WWOX: variants seen among roughly 807,000 people sequenced by gnomAD.
WWOX encodes WW domain containing oxidoreductase.
WWOX carries 69 observed loss-of-function variants against 46.2 expected under a neutral mutation model. The ratio of observed to expected loss-of-function variants is 1.49; its 90% CI spans 1.23 to 1.82. The LOEUF is 1.82. Among genes scored for constraint, WWOX ranks in the 40% most tolerant of loss-of-function variants. The pLI is 0.00. For synonymous variants in WWOX, 359 were observed against 202.6 expected, an observed-to-expected ratio of 1.77 and a Z score of -6.56; for missense variants, 919 against 542.6, an observed-to-expected ratio of 1.69 and a Z score of -6.89.
intron 8 of WWOX, among the ~76,000 whole-genome samples, chr16:78,812,794 C>T (rs968783817): frequency 6.6e-6 from 1 of 152,060 alleles, no homozygotes; most frequent in Non-Finnish European, 1.5e-5. Flanking sequence ...ATTTACAAGC[C>T]CCATAAACTA....
chr16:79,204,911 A>T (rs2051458225), intron 8 of WWOX: 1 of 152,220 alleles, frequency 6.6e-6, no homozygotes, highest in African/African-American at 2.4e-5. Context: ...CTGGCTTTCC[A>T]ATTCATTCTC....
chr16:78,251,217 T>A (rs1026368401), intron 5 of WWOX, among the ~76,000 whole-genome samples: 1 of 152,184 alleles, frequency 6.6e-6, no homozygotes, highest in Non-Finnish European at 1.5e-5. Flanking sequence ...GGAGGAAGCC[T>A]ACTTTTGTTT....
chr16:78,302,037 T>G (rs931229641), intron 5 of WWOX, among the ~76,000 whole-genome samples: 28 of 152,012 alleles, frequency 1.8e-4, no homozygotes, highest in African/African-American at 6.3e-4. Context: ...CTCAGCTGAT[T>G]GTAACCTCCA....
intron 8 of WWOX, among the ~76,000 whole-genome samples, chr16:79,188,141 C>T (rs1228602385): frequency 6.6e-6 from 1 of 152,100 alleles, no homozygotes; most frequent in Non-Finnish European, 1.5e-5. Flanking sequence ...GAATGTGCCA[C>T]AGAAGAAAAC....
intron 8 of WWOX, among the ~76,000 whole-genome samples, chr16:79,076,820 C>G (rs1394942558): frequency 6.6e-6 from 1 of 152,228 alleles, no homozygotes; most frequent in Non-Finnish European, 1.5e-5. Flanking sequence ...GAAGATGAAA[C>G]TGCTTAACGC....
intron 5 of WWOX, among the ~76,000 whole-genome samples, chr16:78,238,876 C>A (rs2037531401): frequency 7.1e-6 from 1 of 140,016 alleles, no homozygotes; most frequent in African/African-American, 2.5e-5. Context: ...ACCTTGGCCT[C>A]CCAAAGTGCT....
At chr16:78,656,196 G>T (rs2142157764) in intron 8 of WWOX, among the ~76,000 whole-genome samples, 1 of 152,222 alleles carries the variant, frequency 6.6e-6, no homozygotes, top group Non-Finnish European at 1.5e-5. Context: ...GTGGGTGTGT[G>T]TGAAAGGTAG....
chr16:78,896,930 A>G (rs1442510229), intron 8 of WWOX: 2 of 152,070 alleles, frequency 1.3e-5, no homozygotes, highest in African/African-American at 4.8e-5. Context: ...CCCAGTTAAG[A>G]TATAGAACAT....
intron 8 of WWOX, among the ~76,000 whole-genome samples, chr16:78,601,737 G>A (rs1423986359): frequency 3.3e-5 from 5 of 152,176 alleles, no homozygotes; most frequent in South Asian, 2.1e-4. Context: ...AAGGAACAAA[G>A]GATTAAGTTA....
At chr16:78,725,271 A>T (rs1161326175) in intron 8 of WWOX, among the ~76,000 whole-genome samples, 1 of 151,144 alleles carries the variant, frequency 6.6e-6, no homozygotes, top group Non-Finnish European at 1.5e-5. Context: ...GAGTCCATTC[A>T]ACTTCTTTTT....
intron 8 of WWOX, among the ~76,000 whole-genome samples, chr16:78,781,126 G>A (rs1430739243): frequency 6.6e-6 from 1 of 152,182 alleles, no homozygotes; most frequent in Non-Finnish European, 1.5e-5. Context: ...GTTTCTGACA[G>A]GTAAATCAAG....
intron 8 of WWOX, among the ~76,000 whole-genome samples, chr16:79,019,607 A>G (rs1249726309): frequency 6.6e-6 from 1 of 152,020 alleles, no homozygotes; most frequent in Non-Finnish European, 1.5e-5. Context: ...GCAAGCTGGT[A>G]TCCTGCGTAT....
intron 8 of WWOX, among the ~76,000 whole-genome samples, chr16:78,732,296 A>G (rs1230389445): frequency 1.3e-5 from 2 of 152,116 alleles, no homozygotes; most frequent in African/African-American, 4.8e-5. Context: ...CACTCATGGG[A>G]TGCTTACCCT....
chr16:79,025,199 A>G lies in WWOX; in HGVS notation c.1057-186409A>G, dbSNP rs113212562. ...GTGTCGGACTTGTTTCAGAAAGACA[A>G]TGTCACTGAGGCTGGGGCAGGGAGA... is the stretch of plus-strand genomic sequence containing the variant. On this transcript the variant is annotated intron_variant, in intron 8 of 8. Coordinates refer to ENST00000566780, the MANE Select transcript of WWOX (RefSeq NM_016373.4). Among the ~76,000 whole-genome samples, 68 of 152,282 alleles carry G rather than the reference A, an allele frequency of 4.5e-4. 1 individual carries two copies. Among genetic ancestry groups the G allele is most frequent in the South Asian group, 3.7e-3 (18 of 4,816 alleles).
At chr16:79,036,940 G>A (rs1250967601) in intron 8 of WWOX, among the ~76,000 whole-genome samples, 2 of 152,212 alleles carry the variant, frequency 1.3e-5, no homozygotes, top group East Asian at 1.9e-4. Context: ...ATTTCTCAGT[G>A]TGTTATCTTG....
intron 8 of WWOX, among the ~76,000 whole-genome samples, chr16:79,174,515 G>A (rs1337997656): frequency 6.6e-6 from 1 of 152,206 alleles, no homozygotes; most frequent in Non-Finnish European, 1.5e-5. Context: ...CAGGCGTGGT[G>A]GCGCATGCCT....
intron 5 of WWOX, among the ~76,000 whole-genome samples, chr16:78,301,873 C>T (rs1337550076): frequency 6.6e-6 from 1 of 152,026 alleles, no homozygotes; most frequent in Non-Finnish European, 1.5e-5. Context: ...AGGAATTTAA[C>T]ATATCTTAGA....
chr16:78,203,932 T>C (rs1343707180), intron 5 of WWOX, among the ~76,000 whole-genome samples: 2 of 152,188 alleles, frequency 1.3e-5, no homozygotes, highest in African/African-American at 4.8e-5. Context: ...TGTGGAAGCT[T>C]GCTGCCTTGA....
rs553870704 is a variant in WWOX at position 78,424,686 on chromosome 16, G to C, written c.606-184G>C. Among the ~76,000 whole-genome samples the C allele has an allele frequency of 1.5e-3, 233 of 152,220 alleles. 1 individual carries two copies. Among genetic ancestry groups the C allele is most frequent in the African/African-American group, 5.1e-3 (211 of 41,528 alleles). On this transcript the variant is annotated intron_variant, in intron 6 of 8. Coordinates refer to ENST00000566780, the MANE Select transcript of WWOX (RefSeq NM_016373.4). Reference sequence around the variant, plus strand: ...CCACTCAAAGCCTTGTGACATTCTAGGGTATCCTATTTCTACATGGTGGGA... The same window carrying C: ...CCACTCAAAGCCTTGTGACATTCTACGGTATCCTATTTCTACATGGTGGGA...
Sources: gnomAD v4.1 joint callset for allele counts (sites outside exome capture counted in the v4.1 genomes callset) on GRCh38, gnomAD v4.1.1 for gene constraint, MANE v1.5 for transcripts, NCBI Gene and HGNC (gene_info 2026-07-23, HGNC 2026-07-21) for gene names.